The following SPATA13 variants were observed in gnomAD, a reference collection of about 807,000 sequenced individuals.
SPATA13 encodes the protein spermatogenesis-associated protein 13.
Under a neutral mutation model 104.0 loss-of-function variants are expected in SPATA13, and 50 were observed. The observed-to-expected ratio is 0.48, with a 90% CI of 0.38 to 0.61. SPATA13 has a LOEUF of 0.61. Ranked by LOEUF, SPATA13 falls within the 20% of genes least tolerant of loss-of-function variation. The pLI, the probability that SPATA13 is intolerant of heterozygous loss-of-function variation, is 0.00. For missense variants in SPATA13, 1,524 were observed against 1,690.6 expected, an observed-to-expected ratio of 0.90 and a Z score of 1.73; for synonymous variants, 606 against 667.5, an observed-to-expected ratio of 0.91 and a Z score of 1.42.
chr13:24,165,385 C>T (rs1379235893), intron 1 of SPATA13, among the ~76,000 whole-genome samples: 1 of 152,176 alleles, frequency 6.6e-6, no homozygotes, highest in Non-Finnish European at 1.5e-5. Flanking sequence ...CCAGCCTTTC[C>T]CCTCCACCCC....
intron 1 of SPATA13, among the ~76,000 whole-genome samples, chr13:24,210,473 G>A (rs199969340): frequency 4.6e-5 from 7 of 152,010 alleles, no homozygotes; most frequent in African/African-American, 1.7e-4. Context: ...TTATTATTTT[G>A]CATGTGGATA....
At chr13:24,003,501 T>C (rs1876078078) in intron 2 of SPATA13, among the ~76,000 whole-genome samples, 1 of 152,234 alleles carries the variant, frequency 6.6e-6, no homozygotes, top group Non-Finnish European at 1.5e-5. Context: ...ATTTTTTCTT[T>C]GGAAGCATGT....
rs1423002138 is a variant in SPATA13, at chr13:24,088,745, G to A, written c.-112+71044G>A. Among the ~76,000 whole-genome samples the A allele has an allele frequency of 6.6e-6, 1 of 152,180 alleles. No homozygotes were observed. The highest frequency in any genetic ancestry group is 2.4e-5 in the African/African-American group (1 of 41,434). ...CTGAGAGCTGCGTTTCCAGGGCCAG[G>A]TGCTGAGCCAGTTCTGAGAGCCAAT... On this transcript the variant is annotated intron_variant, in intron 3 of 14. Transcript: ENST00000424834. This position sits in a 1 kb window ranked among gnomAD's most constrained non-coding sequence, Gnocchi z 4.3.
chr13:23,988,705 A>G (rs919232161), intron 2 of SPATA13, among the ~76,000 whole-genome samples: 3 of 152,164 alleles, frequency 2.0e-5, no homozygotes, highest in African/African-American at 7.2e-5. Flanking sequence ...ATGGTGTCTC[A>G]GTGTGGTTTT....
chr13:24,296,917 G>A (rs1345696781), intron 10 of SPATA13, among the ~76,000 whole-genome samples: 1 of 152,182 alleles, frequency 6.6e-6, no homozygotes, highest in African/African-American at 2.4e-5. Context: ...CAGGTGGTAG[G>A]CAGCCTCAGG....
In SPATA13 at chr13:24,300,491, G is replaced by GGC; in HGVS notation, c.3658+17_3658+18dup. The GGC allele has an allele frequency of 6.2e-7, 1 of 1,611,884 alleles. No homozygotes were observed. On this transcript the variant is annotated intron_variant, in intron 12 of 12. Coordinates refer to ENST00000382108, the MANE Select transcript of SPATA13 (RefSeq NM_001166271.3). Reference sequence around the variant, plus strand: ...AAGTCAAAAGGTAAGTTATGGAGAAGGCTTTGTCCCCTTAATGCTTATCAG... The same window carrying GGC: ...AAGTCAAAAGGTAAGTTATGGAGAAGGCGCTTTGTCCCCTTAATGCTTATCAG...
At chr13:24,233,830 C>T (rs1019303173) in intron 2 of SPATA13, among the ~76,000 whole-genome samples, 6 of 151,746 alleles carry the variant, frequency 4.0e-5, no homozygotes, top group African/African-American at 7.3e-5. Flanking sequence ...GCCAAAGCTG[C>T]GGAATCCCGA....
At chr13:24,266,372 T>A (rs2901980) in intron 4 of SPATA13, among the ~76,000 whole-genome samples, 37,990 of 151,896 alleles carry the variant, frequency 0.25, 7,700 homozygotes, top group African/African-American at 0.56. Context: ...GCAGCCTCGA[T>A]CTCCTGGGCT....
intron 3 of SPATA13, among the ~76,000 whole-genome samples, chr13:24,039,571 C>T (rs929098559): frequency 3.9e-5 from 6 of 152,100 alleles, no homozygotes; most frequent in Non-Finnish European, 2.9e-5. Flanking sequence ...TTTTCTTTCT[C>T]ACTCTCAATA....
Position 24,088,649 on chromosome 13 carries a change from C to T in SPATA13, c.-112+70948C>T, listed in dbSNP as rs748339282. On this transcript the variant is annotated intron_variant, in intron 3 of 14. Coordinates refer to the SPATA13 transcript ENST00000424834. The surrounding 1 kb of genome is among the most constrained non-coding windows in gnomAD (Gnocchi z 4.3). ...CTTTCCCAAAATGGAATAAAAAAAT[C>T]AAAGCTCAGAATCACTGCCTTCCAG... 1.3e-5 allele frequency among the ~76,000 whole-genome samples: 2 copies of T among 152,286 alleles called. No individual in the cohort carries two copies. Among genetic ancestry groups the T allele is most frequent in the South Asian group, 4.1e-4 (2 of 4,830 alleles).
intron 3 of SPATA13, among the ~76,000 whole-genome samples, chr13:24,037,307 C>G (rs1221722596): frequency 1.3e-5 from 2 of 151,088 alleles, no homozygotes; most frequent in Non-Finnish European, 1.5e-5. Flanking sequence ...ACATATGTAA[C>G]AAACCTGCAC....
chr13:24,044,463 C>T (rs1878058864), intron 3 of SPATA13, among the ~76,000 whole-genome samples: 1 of 152,072 alleles, frequency 6.6e-6, no homozygotes, highest in Admixed American at 6.5e-5. Context: ...GATCTTTTGA[C>T]CTCATGATCC....
chr13:24,261,276 G>A (rs1874049754), intron 4 of SPATA13, among the ~76,000 whole-genome samples: 1 of 152,188 alleles, frequency 6.6e-6, no homozygotes, highest in South Asian at 2.1e-4. Context: ...GGGCCAGGGA[G>A]CAGCCATCCG....
chr13:24,128,195 C>T (rs1306577331), intron 3 of SPATA13, among the ~76,000 whole-genome samples: 1 of 152,132 alleles, frequency 6.6e-6, no homozygotes, highest in Non-Finnish European at 1.5e-5. Flanking sequence ...GTCCCAGAAT[C>T]GAGCCCACTG....
intron 4 of SPATA13, among the ~76,000 whole-genome samples, chr13:24,282,870 AAGGGC>A (rs1875648234): frequency 6.6e-6 from 1 of 152,228 alleles, no homozygotes; most frequent in Non-Finnish European, 1.5e-5. Flanking sequence ...ATGCCCACAG[AAGGGC>A]AGGACCAGAA....
intron 12 of SPATA13, 124 bp downstream of exon 12, chr13:24,300,599 C>A: frequency 2.3e-6 from 2 of 855,794 alleles, no homozygotes; most frequent in Non-Finnish European, 3.9e-6. Flanking sequence ...AGTTAGAACT[C>A]AAGGGCAGGT....
intron 2 of SPATA13, among the ~76,000 whole-genome samples, chr13:24,000,323 A>C (rs549222163): frequency 3.9e-5 from 6 of 152,286 alleles, no homozygotes; most frequent in African/African-American, 1.2e-4. Flanking sequence ...AAAGATAGAA[A>C]AGGTTTCAAA....
Position 24,251,842 on chromosome 13 carries a change from G to A in SPATA13, c.2144G>A (p.Arg715Gln), listed in dbSNP as rs762702436. 13 of 1,613,740 alleles carry A rather than the reference G, an allele frequency of 8.1e-6. No individual in the cohort carries two copies. In the Admixed American group the frequency reaches 1.2e-4, roughly 14 times the overall value. Residue 715 changes from arginine (R) to glutamine (Q), a missense_variant, in exon 4 of 13, where the codon CGG becomes CAG. By Grantham distance (43) the Arg-to-Gln change is conservative. Transcript: ENST00000382108. Reference sequence around the variant, plus strand: ...GGGTTGGACCGTGTGGGACGCCGGCGGCAGATGAGAGCATCCAACGGTGAG... The same window carrying A: ...GGGTTGGACCGTGTGGGACGCCGGCAGCAGATGAGAGCATCCAACGGTGAG... ...PIGLDRVGRRRQMRASNVSSD... is the reference protein window; with the variant it reads ...PIGLDRVGRRQQMRASNVSSD...
chr13:24,025,137 T>C (rs540952394), intron 3 of SPATA13, among the ~76,000 whole-genome samples: 16 of 151,872 alleles, frequency 1.1e-4, no homozygotes, highest in Admixed American at 5.2e-4. Flanking sequence ...TAATTCTCTT[T>C]CCTTCTTTAT....
Sources: gnomAD v4.1 joint callset for allele counts (sites outside exome capture counted in the v4.1 genomes callset) on GRCh38, gnomAD v4.1.1 for gene constraint, Gnocchi (gnomAD v3.1) non-coding constraint, MANE v1.5 for transcripts, NCBI Gene and HGNC (gene_info 2026-07-23, HGNC 2026-07-21) for gene names.